The following DPP6 variants were observed in gnomAD, a reference collection of about 807,000 sequenced individuals.
The protein encoded by DPP6 is A-type potassium channel modulatory protein DPP6.
A neutral mutation model predicts 122.6 loss-of-function variants in DPP6; 69 were observed. The ratio of observed to expected loss-of-function variants is 0.56; its 90% CI spans 0.46 to 0.69. DPP6 has a LOEUF of 0.69. Among genes scored for constraint, DPP6 ranks in the 30% least tolerant of loss-of-function variants. The pLI is 0.00. For missense variants in DPP6, 928 were observed against 1,116.9 expected (o/e 0.83, Z 2.41); for synonymous variants, 418 against 433.1 (o/e 0.97, Z 0.43).
intron 1 of DPP6, among the ~76,000 whole-genome samples, chr7:154,116,872 G>T (rs577440428): frequency 6.6e-6 from 1 of 152,260 alleles, no homozygotes; most frequent in East Asian, 1.9e-4. Context: ...AGCTCAGCTT[G>T]GTCCCAGGGC....
At chr7:154,331,073 G>A (rs776227187) in intron 1 of DPP6, among the ~76,000 whole-genome samples, 6 of 152,122 alleles carry the variant, frequency 3.9e-5, no homozygotes, top group Admixed American at 2.0e-4. Context: ...TCTCCCCTCC[G>A]ACAACAGTTT....
intron 1 of DPP6, among the ~76,000 whole-genome samples, chr7:154,443,225 T>C (rs1485531745): frequency 6.6e-6 from 1 of 152,198 alleles, no homozygotes; most frequent in Non-Finnish European, 1.5e-5. Flanking sequence ...AGATGTCACT[T>C]TGCTAGAGAT....
intron 5 of DPP6, among the ~76,000 whole-genome samples, chr7:154,574,618 ATG>A (rs1237090694): frequency 4.7e-5 from 5 of 105,774 alleles, no homozygotes; most frequent in African/African-American, 1.9e-4. Context: ...TTTGGGGTGT[ATG>A]TGTGTGGTGT....
intron 1 of DPP6, among the ~76,000 whole-genome samples, chr7:154,270,581 T>C (rs1166816486): frequency 6.6e-6 from 1 of 152,134 alleles, no homozygotes; most frequent in Non-Finnish European, 1.5e-5. Context: ...ATGGCCAATC[T>C]GTTCAGAAGC....
the DPP6 span, among the ~76,000 whole-genome samples, chr7:153,850,225 G>T: frequency 6.6e-6 from 1 of 152,136 alleles, no homozygotes; most frequent in Admixed American, 6.5e-5. Flanking sequence ...CAGGACTGTG[G>T]CCTTATCTTA....
chr7:154,550,591 A>AAATAT (rs1306177535), intron 4 of DPP6, among the ~76,000 whole-genome samples: 3 of 152,192 alleles, frequency 2.0e-5, no homozygotes, highest in Non-Finnish European at 4.4e-5. Flanking sequence ...TGAACTTGGG[A>AAATAT]AATATTTGTG....
chr7:153,880,005 G>T, the DPP6 span, among the ~76,000 whole-genome samples: 1 of 152,038 alleles, frequency 6.6e-6, no homozygotes, highest in African/African-American at 2.4e-5. Flanking sequence ...AATATATACA[G>T]ATTTTTGACT....
chr7:154,416,790 T>C (rs1208554317), intron 1 of DPP6, among the ~76,000 whole-genome samples: 7 of 132,696 alleles, frequency 5.3e-5, no homozygotes, highest in African/African-American at 1.7e-4. Context: ...AAATGCGGTT[T>C]TCCTGCTTTC....
chr7:154,377,012 A>C (rs4726411), intron 1 of DPP6, among the ~76,000 whole-genome samples: 91,796 of 152,002 alleles, frequency 0.6, 31,439 homozygotes, highest in East Asian at 0.76. Context: ...TTTAGTGACA[A>C]ACAAGTCAAA....
At chr7:153,907,403 A>G (rs1799895973) in intron 1 of DPP6, among the ~76,000 whole-genome samples, 1 of 152,248 alleles carries the variant, frequency 6.6e-6, no homozygotes, top group Admixed American at 6.5e-5. Flanking sequence ...GAAGAGAGGA[A>G]TCAGGATCAC....
intron 3 of DPP6, among the ~76,000 whole-genome samples, chr7:154,487,093 A>T (rs751057543): frequency 5.9e-5 from 9 of 152,210 alleles, no homozygotes; most frequent in Non-Finnish European, 1.2e-4. Context: ...ATCGCGTTTC[A>T]ACTTTATTTG....
intron 1 of DPP6, among the ~76,000 whole-genome samples, chr7:154,106,038 C>T (rs1273982581): frequency 6.6e-6 from 1 of 152,000 alleles, no homozygotes; most frequent in Non-Finnish European, 1.5e-5. Flanking sequence ...ATACACTGTG[C>T]TCCCACAGAT....
chr7:154,872,503 T>C, intron 18 of DPP6, 121 bp from the exon 19 acceptor site: 11 of 1,438,458 alleles, frequency 7.6e-6, no homozygotes, highest in Non-Finnish European at 1.0e-5. Flanking sequence ...AGTCTCTGTC[T>C]GTGGGCTTCC....
chr7:154,709,618 A>G (rs1586932438), intron 7 of DPP6, among the ~76,000 whole-genome samples: 1 of 151,806 alleles, frequency 6.6e-6, no homozygotes, highest in African/African-American at 2.4e-5. Flanking sequence ...TCCACAAAAA[A>G]CAAATACTTG....
intron 1 of DPP6, among the ~76,000 whole-genome samples, chr7:154,218,280 C>T (rs960932137): frequency 6.6e-6 from 1 of 152,166 alleles, no homozygotes; most frequent in Non-Finnish European, 1.5e-5. Flanking sequence ...CAACCTCACC[C>T]AGCCTTACAA....
intron 23 of DPP6, 54 bp downstream of exon 23, chr7:154,887,788 G>C: frequency 6.2e-7 from 1 of 1,604,538 alleles, no homozygotes; most frequent in South Asian, 1.1e-5. Flanking sequence ...CTCTGCCACA[G>C]TCTCCCAGCC....
chr7:154,257,221 A>G (rs962945976), intron 1 of DPP6, among the ~76,000 whole-genome samples: 2 of 151,846 alleles, frequency 1.3e-5, no homozygotes, highest in African/African-American at 4.8e-5. Flanking sequence ...GCTCCTGCCC[A>G]AAAGGGATCT....
chr7:154,475,077 A>C (rs1267752279), intron 3 of DPP6, 40 bp downstream of exon 3: 1 of 1,462,256 alleles, frequency 6.8e-7, no homozygotes, highest in East Asian at 2.3e-5. Context: ...TCGCTTCCCC[A>C]TGCCTCACCC....
rs144863880 is a variant in DPP6 at position 154,763,994 on chromosome 7, G to T, written c.884-5423G>T. 2.2e-3 allele frequency among the ~76,000 whole-genome samples: 334 copies of T among 151,600 alleles called. 2 individuals are homozygous for T. Among genetic ancestry groups the T allele is most frequent in the South Asian group, 7.5e-3 (36 of 4,774 alleles). ...CACCTTGCACAGACCTGTGGATTTG[G>T]ATGCCCCACCTCCATCTGCACCACA... On this transcript the variant is annotated intron_variant, in intron 8 of 25. Transcript: ENST00000377770.
Sources: gnomAD v4.1 joint callset for allele counts (sites outside exome capture counted in the v4.1 genomes callset) on GRCh38, gnomAD v4.1.1 for gene constraint, MANE v1.5 for transcripts, NCBI Gene and HGNC (gene_info 2026-07-23, HGNC 2026-07-21) for gene names.